The following C10orf90 variants were observed in gnomAD, a reference collection of about 807,000 sequenced individuals.
C10orf90 encodes the protein (E2-independent) E3 ubiquitin-conjugating enzyme FATS.
C10orf90 carries 56 observed loss-of-function variants against 62.5 expected under a neutral mutation model. The ratio of observed to expected loss-of-function variants is 0.90; its 90% confidence interval spans 0.72 to 1.12. The LOEUF is 1.12. Among genes scored for constraint, C10orf90 ranks in the 50% most tolerant of loss-of-function variants. The probability of loss-of-function intolerance (pLI) is 0.00; values close to 1 mark genes in which losing one functional copy is unlikely to be tolerated. For missense variants in C10orf90, 970 were observed against 880.4 expected, an observed-to-expected ratio of 1.10 and a Z score of -1.29; for synonymous variants, 386 against 340.4, an observed-to-expected ratio of 1.13 and a Z score of -1.47.
At chr10:126,572,540 C>T (rs1365695688) in intron 2 of C10orf90, among the ~76,000 whole-genome samples, 1 of 151,998 alleles carries the variant, frequency 6.6e-6, no homozygotes, top group Admixed American at 6.5e-5. Flanking sequence ...CCTGACATTG[C>T]CATGGCATTT....
intron 2 of C10orf90, among the ~76,000 whole-genome samples, chr10:126,597,983 C>T (rs1845119383): frequency 6.6e-6 from 1 of 152,176 alleles, no homozygotes; most frequent in East Asian, 1.9e-4. Flanking sequence ...ATATACCTAG[C>T]CCATGTTTTT....
intron 2 of C10orf90, among the ~76,000 whole-genome samples, chr10:126,620,210 C>T (rs909061474): frequency 6.6e-6 from 1 of 151,960 alleles, no homozygotes; most frequent in African/African-American, 2.4e-5. Flanking sequence ...AATATTTTTC[C>T]ATGCCATCTT....
rs1859366187 is a variant in C10orf90 at position 126,453,945 on chromosome 10, G to A, written c.2188+5095C>T. 6.6e-6 allele frequency among the ~76,000 whole-genome samples: 1 copy of A among 152,194 alleles called. No individual in the cohort carries two copies. Among genetic ancestry groups the A allele is most frequent in the Admixed American group, 6.5e-5 (1 of 15,286 alleles). ...CAACTGGAAAGGTTGAGAGTGGGCA[G>A]AGTCAGGCTGAGAGGCGTCTGGATT... On this transcript the variant is annotated intron_variant, in intron 7 of 9. Coordinates refer to ENST00000488181, the MANE Select transcript of C10orf90 (RefSeq NM_001350921.2). The surrounding 1 kb of genome is among the most constrained non-coding windows in gnomAD (Gnocchi z 4.9).
At position 126,576,728 on chromosome 10, in the gene C10orf90, AT is replaced by A. The variant is rs1399523843; in HGVS notation, c.314-62790del. On this transcript the variant is annotated intron_variant, in intron 2 of 9. Transcript: ENST00000488181. Reference sequence around the variant, plus strand: ...ATGTATATATATACAAGATATACATATATATGTATATGTATATATACATATA... The same window carrying A: ...ATGTATATATATACAAGATATACATAATATGTATATGTATATATACATATA... Among the ~76,000 whole-genome samples, 137 of 36,752 alleles carry A rather than the reference AT, an allele frequency of 3.7e-3. 1 individual carries two copies. The highest frequency in any genetic ancestry group is 5.9e-3 in the Non-Finnish European group (107 of 17,984). The allele number at this position is 36,752 out of a possible 152,430, so 24.1% of individuals were successfully genotyped here.
At chr10:126,511,190 T>A (rs1278439402) in intron 3 of C10orf90, among the ~76,000 whole-genome samples, 2 of 152,220 alleles carry the variant, frequency 1.3e-5, no homozygotes, top group East Asian at 3.9e-4. Context: ...TGCTCTGGTA[T>A]GTAGCAACAA....
chr10:126,489,578 T>C (rs1861609185), intron 4 of C10orf90, among the ~76,000 whole-genome samples: 1 of 151,738 alleles, frequency 6.6e-6, no homozygotes, highest in South Asian at 2.1e-4. Flanking sequence ...GCACGACGAG[T>C]GTTGGTGAAG....
intron 2 of C10orf90, among the ~76,000 whole-genome samples, chr10:126,555,065 C>T (rs375158381): frequency 6.6e-6 from 1 of 152,162 alleles, no homozygotes; most frequent in Non-Finnish European, 1.5e-5. Flanking sequence ...AAAGGAGTAA[C>T]TTCTCAGAGA....
At chr10:126,473,694 C>CT (rs1160709649) in intron 4 of C10orf90, among the ~76,000 whole-genome samples, 1 of 151,976 alleles carries the variant, frequency 6.6e-6, no homozygotes, top group African/African-American at 2.4e-5. Flanking sequence ...TAAGCCACTG[C>CT]TTTTTGAGTA....
At chr10:126,544,383 C>A (rs1384819754) in intron 2 of C10orf90, among the ~76,000 whole-genome samples, 1 of 152,206 alleles carries the variant, frequency 6.6e-6, no homozygotes, top group African/African-American at 2.4e-5. Context: ...GCCTCTAGAA[C>A]TTGGCCCATC....
At chr10:126,593,445 C>T (rs890181315) in intron 2 of C10orf90, among the ~76,000 whole-genome samples, 7 of 152,144 alleles carry the variant, frequency 4.6e-5, no homozygotes, top group Admixed American at 3.9e-4. Context: ...AACAGAAAAC[C>T]AAATACCCCA....
intron 4 of C10orf90, among the ~76,000 whole-genome samples, chr10:126,466,459 C>G (rs536676643): frequency 6.6e-6 from 1 of 152,086 alleles, no homozygotes; most frequent in African/African-American, 2.4e-5. Context: ...TCATGACTAC[C>G]AACCCCTCTC....
At chr10:126,559,718 C>A (rs938931251) in intron 2 of C10orf90, among the ~76,000 whole-genome samples, 2 of 152,166 alleles carry the variant, frequency 1.3e-5, no homozygotes, top group African/African-American at 4.8e-5. Flanking sequence ...ATTTAAAAAA[C>A]CAACCAAGAA....
intron 2 of C10orf90, among the ~76,000 whole-genome samples, chr10:126,556,080 C>CG (rs1037006593): frequency 6.6e-6 from 1 of 152,168 alleles, no homozygotes; most frequent in African/African-American, 2.4e-5. Context: ...AGATGATAAA[C>CG]GAGTCTCCAC....
chr10:126,619,709 G>A (rs1305665903), intron 2 of C10orf90, among the ~76,000 whole-genome samples: 1 of 152,096 alleles, frequency 6.6e-6, no homozygotes, highest in Non-Finnish European at 1.5e-5. Context: ...GTGCAATCAA[G>A]GCTCACTACA....
intron 2 of C10orf90, among the ~76,000 whole-genome samples, chr10:126,580,804 C>T (rs1179173587): frequency 6.6e-6 from 1 of 151,744 alleles, no homozygotes; most frequent in African/African-American, 2.4e-5. Context: ...TGTGTGTGTG[C>T]AAAAGTGTAT....
chr10:126,612,337 C>A (rs1451977402), intron 2 of C10orf90, among the ~76,000 whole-genome samples: 1 of 152,010 alleles, frequency 6.6e-6, no homozygotes. Context: ...AAAAAAAAAT[C>A]AAGTGCTCAA....
chr10:126,602,806 G>T (rs537406728), intron 2 of C10orf90, among the ~76,000 whole-genome samples: 3 of 150,316 alleles, frequency 2.0e-5, no homozygotes, highest in African/African-American at 7.4e-5. Context: ...AAATAATGGA[G>T]AATCTTACAA....
At position 126,484,406 on chromosome 10, in the gene C10orf90, T is replaced by C. The variant is rs140054727; in HGVS notation, c.1535-19420A>G. Among the ~76,000 whole-genome samples, 587 of 152,192 alleles carry C rather than the reference T, an allele frequency of 3.9e-3. 5 individuals are homozygous for C. The highest frequency in any genetic ancestry group is 0.013 in the African/African-American group (540 of 41,520). On this transcript the variant is annotated intron_variant, in intron 4 of 9. Coordinates refer to ENST00000488181, the MANE Select transcript of C10orf90 (RefSeq NM_001350921.2). ...TAATGATGTAAAAGAGTTAATACAC[T>C]AACAACTCCAAAAAAAACCCTAACA...
intron 7 of C10orf90, among the ~76,000 whole-genome samples, chr10:126,445,805 G>GTATATATATATATATATATATATA (rs71029302): frequency 3.2e-4 from 32 of 100,720 alleles, no homozygotes; most frequent in East Asian, 3.1e-3. Flanking sequence ...AAACTGTGGT[G>GTATATATATATATATATATATATA]TATATATATA....
Sources: allele counts gnomAD v4.1 joint callset (sites outside exome capture counted in the v4.1 genomes callset), GRCh38; gene constraint gnomAD v4.1.1; non-coding constraint Gnocchi (gnomAD v3.1); transcripts MANE v1.5; gene names NCBI Gene and HGNC (gene_info 2026-07-23, HGNC 2026-07-21).